The following MCTP1 variants were observed in gnomAD, a reference collection of about 807,000 sequenced individuals.
The protein encoded by MCTP1 is multiple C2 and transmembrane domain-containing protein 1.
In MCTP1, 69 loss-of-function variants were observed where a neutral mutation model predicts 120.6. That is an observed-to-expected ratio of 0.57 (90% confidence interval 0.47 to 0.70). The LOEUF (loss-of-function observed/expected upper bound fraction) is 0.70, where lower values mean the gene tolerates loss of function less well. Ranked by LOEUF, MCTP1 falls within the 30% of genes least tolerant of loss-of-function variation. MCTP1 has a pLI of 0.00. For missense variants in MCTP1, 1,203 were observed against 1,248.8 expected, an observed-to-expected ratio of 0.96 and a Z score of 0.55; for synonymous variants, 529 against 493.1, an observed-to-expected ratio of 1.07 and a Z score of -0.96.
intron 1 of MCTP1, among the ~76,000 whole-genome samples, chr5:95,079,407 G>T (rs1457683650): frequency 6.6e-6 from 1 of 152,134 alleles, no homozygotes; most frequent in African/African-American, 2.4e-5. Flanking sequence ...ATATTACAAA[G>T]AAGTGTTGAT....
chr5:94,704,394 A>G lies in MCTP1; in HGVS notation c.*3102T>C, dbSNP rs1239505639. 1 of 151,490 alleles carries G rather than the reference A, an allele frequency of 6.6e-6. No individual in the cohort carries two copies. Among genetic ancestry groups the G allele is most frequent in the Non-Finnish European group, 1.5e-5 (1 of 67,638 alleles). The allele number at this position is 151,490 out of a possible 1,614,324, so 9.4% of individuals were successfully genotyped here. ...TCTTAATGCTTAGTCAACATTATAA[A>G]CATTTAGGCCCATTTAACAAGTTTA... On this transcript the variant is annotated 3_prime_UTR_variant, in exon 23 of 23. Coordinates refer to ENST00000515393, the MANE Select transcript of MCTP1 (RefSeq NM_024717.7).
At chr5:94,712,776 G>A (rs1174802739) in intron 20 of MCTP1, among the ~76,000 whole-genome samples, 1 of 151,672 alleles carries the variant, frequency 6.6e-6, no homozygotes, top group Admixed American at 6.6e-5. Flanking sequence ...CTTGCTTGTG[G>A]AGAGAACAGA....
At chr5:95,067,632 T>C (rs1751014946) in intron 1 of MCTP1, among the ~76,000 whole-genome samples, 1 of 152,058 alleles carries the variant, frequency 6.6e-6, no homozygotes, top group Non-Finnish European at 1.5e-5. Flanking sequence ...TTTAAATATA[T>C]ATTTTGTTAG....
intron 19 of MCTP1, among the ~76,000 whole-genome samples, chr5:94,768,902 GA>G (rs1773429767): frequency 6.6e-6 from 1 of 152,088 alleles, no homozygotes; most frequent in Non-Finnish European, 1.5e-5. Flanking sequence ...CAAAGGAAAG[GA>G]AATCAGTATA....
At chr5:94,721,257 AG>A (rs1760818938) in intron 19 of MCTP1, among the ~76,000 whole-genome samples, 2 of 152,000 alleles carry the variant, frequency 1.3e-5, no homozygotes, top group Non-Finnish European at 2.9e-5. Flanking sequence ...AATGTCAATA[AG>A]GTAAGCAAAT....
chr5:94,909,502 G>GA (rs1027019925), intron 9 of MCTP1, 121 bp from the exon 10 acceptor site: 61 of 895,450 alleles, frequency 6.8e-5, no homozygotes, highest in Admixed American at 1.0e-4. Context: ...TGTGCTATTT[G>GA]AAAAAAAGAT....
intron 1 of MCTP1, among the ~76,000 whole-genome samples, chr5:95,102,627 A>G (rs1183014184): frequency 6.6e-6 from 1 of 152,234 alleles, no homozygotes; most frequent in African/African-American, 2.4e-5. Context: ...CAGAGATATC[A>G]AAGAACCCAG....
At position 95,061,408 on chromosome 5, in the gene MCTP1, G is replaced by GTTGTTTTTTTT. The variant is rs1749067994; in HGVS notation, c.721-43925_721-43924insAAAAAAAACAA. Among the ~76,000 whole-genome samples the GTTGTTTTTTTT allele has an allele frequency of 3.6e-4, 12 of 33,478 alleles. 1 individual carries two copies. The highest frequency in any genetic ancestry group is 5.0e-4 in the Non-Finnish European group (8 of 16,072). 22.0% of individuals were successfully genotyped at this position (33,478 alleles called of 152,430 possible). A position where few individuals can be genotyped will look rare whatever the true frequency, so the allele number is the denominator to read the frequency against. On this transcript the variant is annotated intron_variant, in intron 1 of 22. Coordinates refer to ENST00000515393, the MANE Select transcript of MCTP1 (RefSeq NM_024717.7). ...ATCAATTTTCACAAACCCCTTAAGG[G>GTTGTTTTTTTT]TTTTTTTTTTTTTTTTTTTTTTTTT...
chr5:94,835,792 C>G (rs1490274184), intron 17 of MCTP1, among the ~76,000 whole-genome samples: 1 of 152,124 alleles, frequency 6.6e-6, no homozygotes, highest in Non-Finnish European at 1.5e-5. Context: ...ATCACGAGGT[C>G]AGGAGATCGA....
chr5:95,276,251 ATTTTTTTTTTTT>A (rs34667866), intron 1 of MCTP1, among the ~76,000 whole-genome samples: 1,401 of 84,810 alleles, frequency 0.017, 32 homozygotes, highest in African/African-American at 0.062. Flanking sequence ...CAATATTGGG[ATTTTTTTTTTTT>A]TTTTTTTTTT....
intron 1 of MCTP1, among the ~76,000 whole-genome samples, chr5:95,051,498 T>A (rs967038159): frequency 6.6e-6 from 1 of 152,130 alleles, no homozygotes; most frequent in Non-Finnish European, 1.5e-5. Flanking sequence ...TGGCATTCCT[T>A]CAATTACCAA....
chr5:94,780,301 T>A (rs1363992250), intron 18 of MCTP1, among the ~76,000 whole-genome samples: 1 of 152,022 alleles, frequency 6.6e-6, no homozygotes. Flanking sequence ...GAATATTCTA[T>A]TGGTGTACAC....
At chr5:95,232,175 A>C (rs1367642411) in intron 1 of MCTP1, among the ~76,000 whole-genome samples, 2 of 151,604 alleles carry the variant, frequency 1.3e-5, no homozygotes, top group African/African-American at 4.8e-5. Context: ...AAAAAAAAAA[A>C]AACAGTCATA....
At chr5:94,870,395 T>C (rs967433874) in intron 16 of MCTP1, 22 bp downstream of exon 16, 5 of 1,505,334 alleles carry the variant, frequency 3.3e-6, no homozygotes, top group Non-Finnish European at 4.6e-6. Flanking sequence ...CCCAGAGGGA[T>C]TAATCTTTTC....
intron 3 of MCTP1, among the ~76,000 whole-genome samples, chr5:94,947,577 T>TATATATATATATATAGAGAGAGAG: frequency 3.2e-4 from 15 of 47,382 alleles, no homozygotes; most frequent in South Asian, 7.0e-4. Flanking sequence ...TATATATATA[T>TATATATATATATATAGAGAGAGAG]AGAGAGAGAG....
chr5:95,072,338 T>C (rs1400045575), intron 1 of MCTP1, among the ~76,000 whole-genome samples: 1 of 152,118 alleles, frequency 6.6e-6, no homozygotes, highest in South Asian at 2.1e-4. Flanking sequence ...GCTGGGGGAA[T>C]ATAAACAAGA....
chr5:94,881,241 C>T (rs921914211), intron 12 of MCTP1, among the ~76,000 whole-genome samples: 3 of 152,138 alleles, frequency 2.0e-5, no homozygotes, highest in East Asian at 3.9e-4. Context: ...CTTCTCAACT[C>T]GTTAATGTCA....
chr5:94,803,138 A>G (rs1781549693), intron 17 of MCTP1, among the ~76,000 whole-genome samples: 1 of 152,354 alleles, frequency 6.6e-6, no homozygotes, highest in Non-Finnish European at 1.5e-5. Context: ...TGTTCATTAG[A>G]GACTAGAACT....
At chr5:94,879,699 C>T (rs1263581806) in intron 12 of MCTP1, among the ~76,000 whole-genome samples, 2 of 151,968 alleles carry the variant, frequency 1.3e-5, no homozygotes, top group Non-Finnish European at 2.9e-5. Flanking sequence ...TGGAAAACTC[C>T]ATTGTACACT....
Sources: gnomAD v4.1 joint callset for allele counts (sites outside exome capture counted in the v4.1 genomes callset) on GRCh38, gnomAD v4.1.1 for gene constraint, MANE v1.5 for transcripts, NCBI Gene and HGNC (gene_info 2026-07-23, HGNC 2026-07-21) for gene names.